The following KAZN variants were observed in gnomAD, a reference collection of about 807,000 sequenced individuals.
The protein encoded by KAZN is kazrin, periplakin interacting protein.
Under a neutral mutation model 87.4 loss-of-function variants are expected in KAZN, and 40 were observed. That is an observed-to-expected ratio of 0.46 (90% confidence interval 0.36 to 0.60). The LOEUF (loss-of-function observed/expected upper bound fraction) is 0.60, where lower values mean the gene tolerates loss of function less well. KAZN is among the 20% of genes least tolerant of loss of function. KAZN has a pLI of 0.00. For synonymous variants in KAZN, 466 were observed against 458.3 expected, an observed-to-expected ratio of 1.02 and a Z score of -0.22; for missense variants, 898 against 1,073.9, an observed-to-expected ratio of 0.84 and a Z score of 2.29.
At chr1:14,899,018 G>T (rs1196066050) in intron 1 of KAZN, among the ~76,000 whole-genome samples, 4 of 152,162 alleles carry the variant, frequency 2.6e-5, no homozygotes, top group Non-Finnish European at 5.9e-5. Flanking sequence ...AGGAGATGCA[G>T]GTTCTAGTCC....
intron 1 of KAZN, among the ~76,000 whole-genome samples, chr1:14,801,691 T>TG (rs1311492163): frequency 3.3e-4 from 46 of 141,002 alleles, no homozygotes; most frequent in African/African-American, 1.1e-3. Flanking sequence ...TTTGTTTTTT[T>TG]GTTTTTTTTT....
intron 1 of KAZN, among the ~76,000 whole-genome samples, chr1:14,656,766 G>C (rs2148707186): frequency 6.6e-6 from 1 of 152,318 alleles, no homozygotes; most frequent in East Asian, 1.9e-4. Context: ...CACGAGAACA[G>C]CAAGGGGGAA....
chr1:14,156,690 T>C (rs1305445366), intron 1 of KAZN, among the ~76,000 whole-genome samples: 2 of 152,204 alleles, frequency 1.3e-5, no homozygotes, highest in African/African-American at 4.8e-5. Flanking sequence ...GCATGAAATA[T>C]CTCTTTCCGT....
chr1:14,957,589 T>A (rs1307803945), intron 1 of KAZN, among the ~76,000 whole-genome samples: 1 of 152,202 alleles, frequency 6.6e-6, no homozygotes, highest in Non-Finnish European at 1.5e-5. Context: ...CCTGCCGTGC[T>A]GTTGACGCTG....
At chr1:14,093,455 A>G (rs1310670909) in intron 1 of KAZN, among the ~76,000 whole-genome samples, 1 of 152,234 alleles carries the variant, frequency 6.6e-6, no homozygotes, top group African/African-American at 2.4e-5. Context: ...GCTTTTTAAT[A>G]GAATATGCTA....
In KAZN at chr1:14,297,955, C is replaced by T. The variant is rs114528093; in HGVS notation, c.249+117363C>T. Among the ~76,000 whole-genome samples, 870 of 152,158 alleles carry T rather than the reference C, an allele frequency of 5.7e-3. 11 individuals carry two copies. Among genetic ancestry groups the T allele is most frequent in the African/African-American group, 0.02 (825 of 41,496 alleles). On this transcript the variant is annotated intron_variant, in intron 2 of 16. Coordinates refer to the KAZN transcript ENST00000636203. ...AAATTGGTTAAATTGAAGCTGGGCG[C>T]GGTATCACGCCTCTAATCCCAGCAC...
rs904567801 is a variant in KAZN, at chr1:15,094,841, C to A, written c.1455C>A (p.Asp485Glu). The change falls in exon 10 of 15, where the codon GAC becomes GAA. Residue 485 changes from aspartate (D) to glutamate (E), a missense_variant. Physicochemically the swap from Asp to Glu is conservative, Grantham distance 45 (BLOSUM62 2). This residue lies in a region of KAZN where 521 missense variants were observed against 689.4 expected (regional missense o/e 0.76). Transcript: ENST00000376030. The surrounding 1 kb of genome is among the most constrained non-coding windows in gnomAD (Gnocchi z 4.5). ...TGCTGCTGAGCCTGAGTGACGAGGA[C>A]CTGCAGCTGGGCCTTGGGGTGTGCA... Reference protein sequence around the residue: ...GKVLLSLSDEDLQLGLGVCSS... With the variant: ...GKVLLSLSDEELQLGLGVCSS... 2.6e-6 allele frequency: 4 copies of A among 1,550,322 alleles called. No individual in the cohort carries two copies. Among genetic ancestry groups the A allele is most frequent in the Non-Finnish European group, 3.5e-6 (4 of 1,146,572 alleles).
intron 2 of KAZN, among the ~76,000 whole-genome samples, chr1:14,229,743 C>T (rs1177032390): frequency 6.6e-6 from 1 of 152,244 alleles, no homozygotes; most frequent in East Asian, 1.9e-4. Flanking sequence ...GCCTTCATTT[C>T]TTAGATTTCT....
At chr1:14,863,785 T>C (rs1651137611) in intron 1 of KAZN, among the ~76,000 whole-genome samples, 1 of 152,112 alleles carries the variant, frequency 6.6e-6, no homozygotes, top group Non-Finnish European at 1.5e-5. Flanking sequence ...CAGCTTGAAC[T>C]GGTCCTTGAA....
intron 1 of KAZN, among the ~76,000 whole-genome samples, chr1:14,138,083 G>GTA (rs1645150145): frequency 1.2e-5 from 1 of 81,218 alleles, no homozygotes; most frequent in Non-Finnish European, 2.3e-5. Context: ...AAATGTTACA[G>GTA]TGTGTGTGTG....
chr1:14,531,699 A>C (rs1672216858), intron 2 of KAZN, among the ~76,000 whole-genome samples: 1 of 152,202 alleles, frequency 6.6e-6, no homozygotes, highest in South Asian at 2.1e-4. Context: ...TATCTGTACA[A>C]TATTTCATCA....
chr1:14,867,727 C>G (rs1055696870), intron 1 of KAZN, among the ~76,000 whole-genome samples: 4 of 111,366 alleles, frequency 3.6e-5, no homozygotes, highest in African/African-American at 1.3e-4. Flanking sequence ...TGAAGACACC[C>G]CCCCCCCCAC....
At chr1:13,990,445 C>T (rs936868687) in intron 1 of KAZN, among the ~76,000 whole-genome samples, 2 of 151,706 alleles carry the variant, frequency 1.3e-5, no homozygotes, top group Admixed American at 1.3e-4. Context: ...TACTGTATAA[C>T]TTTCCATTTA....
At chr1:13,961,250 C>T (rs557971280) in intron 1 of KAZN, among the ~76,000 whole-genome samples, 1 of 152,124 alleles carries the variant, frequency 6.6e-6, no homozygotes, top group Non-Finnish European at 1.5e-5. Context: ...AAAGAATAAA[C>T]CATAAACTGC....
At chr1:14,554,431 G>T (rs957200137) in intron 2 of KAZN, among the ~76,000 whole-genome samples, 1 of 152,108 alleles carries the variant, frequency 6.6e-6, no homozygotes. Context: ...CCTGATGGAC[G>T]GACCCATCAT....
chr1:14,857,448 G>C (rs2101005431), intron 1 of KAZN, among the ~76,000 whole-genome samples: 1 of 152,248 alleles, frequency 6.6e-6, no homozygotes, highest in Non-Finnish European at 1.5e-5. Context: ...AGGCTGGACT[G>C]CTTGAGCCCA....
chr1:13,997,472 TA>T (rs1168097207), intron 1 of KAZN, among the ~76,000 whole-genome samples: 4 of 151,896 alleles, frequency 2.6e-5, no homozygotes, highest in Non-Finnish European at 4.4e-5. Flanking sequence ...AAGAACCTGA[TA>T]AAAGGTTAGA....
At chr1:14,000,822 G>A (rs551837401) in intron 1 of KAZN, among the ~76,000 whole-genome samples, 48 of 150,924 alleles carry the variant, frequency 3.2e-4, no homozygotes, top group African/African-American at 1.0e-3. Context: ...TCGCTCTGTC[G>A]CCCAGGCTGG....
At chr1:14,312,697 T>G (rs1293699087) in intron 2 of KAZN, among the ~76,000 whole-genome samples, 12 of 152,140 alleles carry the variant, frequency 7.9e-5, no homozygotes. Context: ...TGATGAGATA[T>G]CACTTGAATG....
Sources: allele counts gnomAD v4.1 joint callset (sites outside exome capture counted in the v4.1 genomes callset), GRCh38; gene constraint gnomAD v4.1.1; regional missense constraint gnomAD v4.1.1; non-coding constraint Gnocchi (gnomAD v3.1); transcripts MANE v1.5; gene names NCBI Gene and HGNC (gene_info 2026-07-23, HGNC 2026-07-21).